The following ZFR2 variants were observed in gnomAD, a reference collection of about 807,000 sequenced individuals.
ZFR2 encodes the protein zinc finger RNA-binding protein 2.
In ZFR2, 104 loss-of-function variants were observed where a neutral mutation model predicts 105.7. The ratio of observed to expected loss-of-function variants is 0.98; its 90% CI spans 0.84 to 1.16. The LOEUF (loss-of-function observed/expected upper bound fraction) is 1.16. Ranked by LOEUF, ZFR2 falls within the 50% of genes most tolerant of loss-of-function variation. ZFR2 has a pLI of 0.00. For synonymous variants in ZFR2, 634 were observed against 597.7 expected (o/e 1.06, Z -0.89); for missense variants, 1,425 against 1,355.5 (o/e 1.05, Z -0.80).
intron 5 of ZFR2, among the ~76,000 whole-genome samples, chr19:3,829,706 T>C (rs1422489942): frequency 6.6e-6 from 1 of 151,980 alleles, no homozygotes; most frequent in Non-Finnish European, 1.5e-5. Flanking sequence ...AGAGACAGGG[T>C]TTCACCCATG....
rs150713956 is a variant in ZFR2, at chr19:3,814,832, G to A, written c.2104-874C>T. ...AGAATGCAATCCTACCTCCTGGTAC[G>A]GCCTTCAGGCCTGGCTTGATCTAGG... On this transcript the variant is annotated intron_variant, in intron 13 of 18. Transcript: ENST00000262961. Among the ~76,000 whole-genome samples, 260 of 152,130 alleles carry A rather than the reference G, an allele frequency of 1.7e-3. 2 individuals carry two copies. The highest frequency in any genetic ancestry group is 5.6e-3 in the African/African-American group (233 of 41,500).
intron 1 of ZFR2, among the ~76,000 whole-genome samples, chr19:3,850,426 T>G (rs1317832468): frequency 2.0e-5 from 3 of 152,052 alleles, no homozygotes; most frequent in African/African-American, 7.2e-5. Context: ...GGGCATCTCA[T>G]GACAAGCTTT....
chr19:3,813,693 C>A lies in ZFR2; in HGVS notation c.2242+127G>T. The stretch of plus-strand genomic sequence containing the variant: ...TGGAATCCTCAGGGGGACAGCAGTG[C>A]TGGAGCGTGGCTGCTGTGGCATTTC... On this transcript the variant is annotated intron_variant, in intron 14 of 18. Coordinates refer to ENST00000262961, the MANE Select transcript of ZFR2 (RefSeq NM_015174.2). This position sits in a 1 kb window ranked among gnomAD's most constrained non-coding sequence, Gnocchi z 4.4. The A allele has an allele frequency of 7.4e-7, 1 of 1,354,110 alleles. No homozygotes were observed. The highest frequency in any genetic ancestry group is 1.4e-5 in the African/African-American group (1 of 69,122). 83.9% of individuals were successfully genotyped at this position (1,354,110 alleles called of 1,614,324 possible). A position where few individuals can be genotyped will look rare whatever the true frequency, so the allele number is the denominator to read the frequency against.
At chr19:3,819,751 C>T (rs1436330051) in intron 11 of ZFR2, among the ~76,000 whole-genome samples, 2 of 151,986 alleles carry the variant, frequency 1.3e-5, no homozygotes, top group African/African-American at 4.8e-5. Context: ...ACTCAGGAGG[C>T]TGAGGCATGA....
At chr19:3,860,776 GCC>G (rs1291350467) in intron 1 of ZFR2, among the ~76,000 whole-genome samples, 3 of 152,064 alleles carry the variant, frequency 2.0e-5, no homozygotes, top group African/African-American at 7.2e-5. Context: ...CACCAAACTG[GCC>G]GACATCTCAG....
intron 5 of ZFR2, among the ~76,000 whole-genome samples, chr19:3,830,910 G>C (rs930804317): frequency 6.7e-6 from 1 of 149,674 alleles, no homozygotes; most frequent in Admixed American, 6.6e-5. Context: ...CACACACACG[G>C]GCGCATGCAC....
chr19:3,834,944 G>A lies in ZFR2; in HGVS notation c.93C>T (p.Ala31=). The change falls in exon 2 of 19, where the codon GCC becomes GCT. Residue 31 remains alanine, a synonymous_variant. Transcript: ENST00000262961. The surrounding 1 kb of genome is among the most constrained non-coding windows in gnomAD (Gnocchi z 5.3). ...CAGGAGTGGGTTGTGCAGTATAGCTGGCCCCCACAGTGGGCAGGGGAAGGG... is the reference window on the plus strand; with the variant it reads ...CAGGAGTGGGTTGTGCAGTATAGCTAGCCCCCACAGTGGGCAGGGGAAGGG... ...PPTLPLPTVG[A]SYTAQPTPGM... is the part of the protein sequence containing the mutation. The A allele has an allele frequency of 6.2e-7, 1 of 1,611,746 alleles. No individual in the cohort carries two copies. The highest frequency in any genetic ancestry group is 8.5e-7 in the Non-Finnish European group (1 of 1,179,168).
chr19:3,808,536 G>A (rs2037727776), intron 17 of ZFR2, among the ~76,000 whole-genome samples: 1 of 152,246 alleles, frequency 6.6e-6, no homozygotes, highest in Non-Finnish European at 1.5e-5. Flanking sequence ...CAGGCACCGG[G>A]GTGGATTTGT....
Position 3,837,714 on chromosome 19 carries a change from C to T in ZFR2, c.54-2731G>A, listed in dbSNP as rs1010181854. On this transcript the variant is annotated intron_variant, in intron 1 of 18. Transcript: ENST00000262961. ...CGTGACACTCAATGAACACCGTGAC[C>T]ATGACACTTGATGAATGCTGTGACT... 5.4e-5 allele frequency among the ~76,000 whole-genome samples: 8 copies of T among 147,322 alleles called. 1 individual carries two copies. Among genetic ancestry groups the T allele is most frequent in the South Asian group, 2.2e-4 (1 of 4,548 alleles).
intron 1 of ZFR2, among the ~76,000 whole-genome samples, chr19:3,859,405 C>G (rs1388192249): frequency 6.6e-6 from 1 of 152,234 alleles, no homozygotes; most frequent in African/African-American, 2.4e-5. Context: ...TGCAGACGGC[C>G]TATCGTGGGA....
Position 3,807,179 on chromosome 19 carries a change from C to A in ZFR2, c.2636G>T (p.Ser879Ile), listed in dbSNP as rs1171808186. ...TLQEREDVTA[S>I]AQHALRMLAF... Reference sequence around the variant, plus strand: ...GTGACTTGACCCTCCTACCTGGGCGCTGGCGGTCACGTCTTCCCGCTCTTG... The same window carrying A: ...GTGACTTGACCCTCCTACCTGGGCGATGGCGGTCACGTCTTCCCGCTCTTG... The change falls in exon 18 of 19, where the codon AGC becomes ATC. Residue 879 changes from serine to isoleucine, a missense_variant. Coordinates refer to ENST00000262961, the MANE Select transcript of ZFR2 (RefSeq NM_015174.2). The A allele has an allele frequency of 1.3e-6, 2 of 1,553,662 alleles. No individual in the cohort carries two copies. Among genetic ancestry groups the A allele is most frequent in the Non-Finnish European group, 1.7e-6 (2 of 1,147,976 alleles).
intron 6 of ZFR2, 62 bp from the exon 7 acceptor site, chr19:3,825,469 A>T: frequency 6.6e-7 from 1 of 1,511,684 alleles, no homozygotes; most frequent in East Asian, 2.5e-5. Context: ...GCCTTTTTCA[A>T]GAGGCAGGAA....
chr19:3,809,808 G>A (rs1197720562), intron 16 of ZFR2, among the ~76,000 whole-genome samples: 1 of 152,130 alleles, frequency 6.6e-6, no homozygotes, highest in Non-Finnish European at 1.5e-5. Context: ...GCCAGGCGTG[G>A]TGGTGCGTGC....
At chr19:3,833,508 G>A (rs1347365984) in intron 3 of ZFR2, 156 bp downstream of exon 3, 7 of 558,768 alleles carry the variant, frequency 1.3e-5, no homozygotes, top group African/African-American at 2.0e-5. Flanking sequence ...CCTGGGAGGC[G>A]AAGCTTGCAG....
intron 6 of ZFR2, among the ~76,000 whole-genome samples, chr19:3,827,108 G>C: frequency 6.6e-6 from 1 of 152,132 alleles, no homozygotes; most frequent in East Asian, 1.9e-4. Context: ...CGGGTGCGGT[G>C]GCGGATGCCT....
intron 3 of ZFR2, among the ~76,000 whole-genome samples, chr19:3,832,926 C>CTGTAGGCTCTAGG (rs777933303): frequency 2.0e-5 from 3 of 151,244 alleles, no homozygotes; most frequent in Non-Finnish European, 3.0e-5. Context: ...AGGCGTGAGC[C>CTGTAGGCTCTAGG]ACCGTGCCCG....
At chr19:3,843,191 C>T (rs571772541) in intron 1 of ZFR2, among the ~76,000 whole-genome samples, 2 of 151,058 alleles carry the variant, frequency 1.3e-5, no homozygotes, top group African/African-American at 4.8e-5. Context: ...GATAAATGGG[C>T]TGGGCGCGGT....
chr19:3,822,865 C>A (rs2037910365), intron 8 of ZFR2, among the ~76,000 whole-genome samples: 1 of 152,234 alleles, frequency 6.6e-6, no homozygotes, highest in African/African-American at 2.4e-5. Flanking sequence ...ACCAGCCTGA[C>A]CTTGGCAGGT....
In ZFR2 at chr19:3,831,347, G is replaced by T; in HGVS notation, c.808C>A (p.Leu270Ile). ...RPKAGPRQLQ[L>I]HYCDICKISC... ...ATCTTGCAGATGTCGCAGTAGTGAAGCTGGAGCTGCCTGGGCCCCGCCTTG... is the reference window on the plus strand; with the variant it reads ...ATCTTGCAGATGTCGCAGTAGTGAATCTGGAGCTGCCTGGGCCCCGCCTTG... The change falls in exon 5 of 19, where the codon CTT (leucine) becomes ATT (isoleucine). Residue 270 changes from leucine to isoleucine, a missense_variant. Leu to Ile is a conservative substitution (Grantham distance 5). Coordinates refer to ENST00000262961, the MANE Select transcript of ZFR2 (RefSeq NM_015174.2). 2.6e-6 allele frequency: 4 copies of T among 1,558,198 alleles called. No individual in the cohort carries two copies. The highest frequency in any genetic ancestry group is 1.9e-5 in the Admixed American group (1 of 52,340).
Sources: allele counts gnomAD v4.1 joint callset (sites outside exome capture counted in the v4.1 genomes callset), GRCh38; gene constraint gnomAD v4.1.1; non-coding constraint Gnocchi (gnomAD v3.1); transcripts MANE v1.5; gene names NCBI Gene and HGNC (gene_info 2026-07-23, HGNC 2026-07-21).